Variants in TP63 observed in about 807,000 individuals in gnomAD.
TP63 encodes the protein tumor protein 63.
In TP63, 17 loss-of-function variants were observed where a neutral mutation model predicts 82.8. That is an observed-to-expected ratio of 0.21 (90% confidence interval 0.14 to 0.31). The LOEUF is 0.31. TP63 is among the 10% of genes least tolerant of loss of function. The pLI, the probability that TP63 is intolerant of heterozygous loss-of-function variation, is 1.00. For missense variants in TP63, 648 were observed against 895.3 expected, an observed-to-expected ratio of 0.72 and a Z score of 3.52; for synonymous variants, 330 against 321.7, an observed-to-expected ratio of 1.03 and a Z score of -0.28.
chr3:189,831,610 A>G (rs1312674873), intron 4 of TP63, among the ~76,000 whole-genome samples: 1 of 150,986 alleles, frequency 6.6e-6, no homozygotes, highest in Non-Finnish European at 1.5e-5. Context: ...TTTTCTGGCC[A>G]GGTGCTCATT....
chr3:189,824,281 A>T (rs1036355712), intron 4 of TP63, among the ~76,000 whole-genome samples: 1 of 151,944 alleles, frequency 6.6e-6, no homozygotes, highest in African/African-American at 2.4e-5. Context: ...CAGTGGCACA[A>T]TCTTGGCTCA....
chr3:189,817,202 T>C (rs1246700357), intron 4 of TP63, among the ~76,000 whole-genome samples: 2 of 152,216 alleles, frequency 1.3e-5, no homozygotes, highest in African/African-American at 2.4e-5. Flanking sequence ...ATCATCTGCA[T>C]TGAATCTTAT....
At chr3:189,726,151 T>G (rs1173133340) in intron 1 of TP63, among the ~76,000 whole-genome samples, 1 of 152,134 alleles carries the variant, frequency 6.6e-6, no homozygotes, top group Admixed American at 6.6e-5. Flanking sequence ...GAAAAATCCA[T>G]AAACACGTAT....
At chr3:189,636,382 A>G (rs1389202487) in intron 1 of TP63, among the ~76,000 whole-genome samples, 2 of 152,126 alleles carry the variant, frequency 1.3e-5, no homozygotes, top group Admixed American at 1.3e-4. Context: ...TCATGAGTTA[A>G]GTAGGGATAA....
chr3:189,801,635 T>G (rs889526407), intron 3 of TP63, among the ~76,000 whole-genome samples: 4 of 152,200 alleles, frequency 2.6e-5, no homozygotes, highest in Admixed American at 2.6e-4. Flanking sequence ...TGTCAAATGT[T>G]TGTTGACATT....
intron 1 of TP63, among the ~76,000 whole-genome samples, chr3:189,697,429 C>A (rs1156768202): frequency 1.3e-5 from 2 of 151,878 alleles, no homozygotes; most frequent in Middle Eastern, 6.3e-3. Context: ...TTTGTCAATA[C>A]CAAATGTCTT....
At chr3:189,700,778 C>T (rs1717743947) in intron 1 of TP63, among the ~76,000 whole-genome samples, 1 of 152,126 alleles carries the variant, frequency 6.6e-6, no homozygotes, top group Non-Finnish European at 1.5e-5. Flanking sequence ...GACTTCCCCA[C>T]TTCTGAAGTT....
chr3:189,602,423 T>C, the TP63 span, among the ~76,000 whole-genome samples: 4 of 152,150 alleles, frequency 2.6e-5, no homozygotes, highest in African/African-American at 7.2e-5. Context: ...TCTTCTCATA[T>C]GTGTTGAAGA....
At chr3:189,620,506 C>CA in the TP63 span, among the ~76,000 whole-genome samples, 1,744 of 68,830 alleles carry the variant, frequency 0.025, 109 homozygotes, top group South Asian at 0.033. Context: ...AAGACTCCAT[C>CA]AAAAAAAAAA....
intron 10 of TP63, among the ~76,000 whole-genome samples, chr3:189,874,981 C>CTTTT (rs200117233): frequency 7.0e-5 from 8 of 114,264 alleles, no homozygotes; most frequent in Non-Finnish European, 1.3e-4. Context: ...TCTTTCCTGT[C>CTTTT]TTTTTTTTTT....
the TP63 span, among the ~76,000 whole-genome samples, chr3:189,617,356 C>T: frequency 6.6e-6 from 1 of 152,132 alleles, no homozygotes; most frequent in Non-Finnish European, 1.5e-5. Context: ...TTTTGTATAT[C>T]CCACATGAAT....
intron 1 of TP63, among the ~76,000 whole-genome samples, chr3:189,686,962 C>T (rs1052469013): frequency 6.6e-6 from 1 of 151,998 alleles, no homozygotes; most frequent in Admixed American, 6.6e-5. Flanking sequence ...AACTCCTGAC[C>T]TTGTGATCTA....
intron 1 of TP63, among the ~76,000 whole-genome samples, chr3:189,677,445 C>A (rs1409290371): frequency 6.8e-6 from 1 of 146,434 alleles, no homozygotes; most frequent in Non-Finnish European, 1.5e-5. Context: ...TATATATATA[C>A]ACACATATAT....
At chr3:189,851,561 C>T (rs1390588022) in intron 4 of TP63, among the ~76,000 whole-genome samples, 9 of 151,946 alleles carry the variant, frequency 5.9e-5, no homozygotes, top group East Asian at 1.9e-4. Flanking sequence ...GGTGACAGAG[C>T]GAGACTCTGC....
At chr3:189,731,871 A>G (rs1720198923) in intron 1 of TP63, among the ~76,000 whole-genome samples, 1 of 152,232 alleles carries the variant, frequency 6.6e-6, no homozygotes, top group African/African-American at 2.4e-5. Context: ...CTTGGAAGAT[A>G]GGTAGGATTT....
intron 6 of TP63, among the ~76,000 whole-genome samples, chr3:189,867,604 G>A (rs976752696): frequency 1.3e-4 from 20 of 152,164 alleles, no homozygotes; most frequent in African/African-American, 4.8e-4. Flanking sequence ...ATCACAAAAT[G>A]TTAAAGCCTG....
chr3:189,773,937 T>G (rs1723569334), intron 3 of TP63, among the ~76,000 whole-genome samples: 1 of 147,134 alleles, frequency 6.8e-6, no homozygotes, highest in Admixed American at 6.8e-5. Context: ...TTTTTTTTTT[T>G]TTTGAGACGG....
chr3:189,787,634 G>T (rs1724717325), intron 3 of TP63, among the ~76,000 whole-genome samples: 1 of 152,040 alleles, frequency 6.6e-6, no homozygotes. Flanking sequence ...TTGACTTCGT[G>T]AAAGGTGAAG....
At chr3:189,824,295 C>T (rs1184634071) in intron 4 of TP63, among the ~76,000 whole-genome samples, 1 of 152,078 alleles carries the variant, frequency 6.6e-6, no homozygotes. Flanking sequence ...TGGCTCACTG[C>T]AACCTCTGCC....
Sources: gnomAD v4.1 joint callset for allele counts (sites outside exome capture counted in the v4.1 genomes callset) on GRCh38, gnomAD v4.1.1 for gene constraint, MANE v1.5 for transcripts, NCBI Gene and HGNC (gene_info 2026-07-23, HGNC 2026-07-21) for gene names.